The following NUP214 variants were observed in gnomAD, a reference collection of about 807,000 sequenced individuals.
NUP214 encodes the protein nucleoporin 214, also known as nuclear pore complex protein Nup214.
Under a neutral mutation model 196.2 loss-of-function variants are expected in NUP214, and 79 were observed. That is an observed-to-expected ratio of 0.40 (90% CI 0.34 to 0.49). NUP214 has a LOEUF of 0.49. Among genes scored for constraint, NUP214 ranks in the 20% least tolerant of loss-of-function variants. The probability of loss-of-function intolerance (pLI) is 0.58; values close to 1 mark genes in which losing one functional copy is unlikely to be tolerated. For synonymous variants in NUP214, 1,020 were observed against 990.5 expected (o/e 1.03, Z -0.56); for missense variants, 2,468 against 2,539.0 (o/e 0.97, Z 0.60).
At chr9:131,149,151 G>C (rs60618965) in intron 14 of NUP214, among the ~76,000 whole-genome samples, 43,185 of 151,586 alleles carry the variant, frequency 0.28, 6,247 homozygotes, top group South Asian at 0.42. Context: ...ACCAACCCTT[G>C]TACCCTAACA....
chr9:131,132,883 A>G, intron 6 of NUP214: 1 of 618,130 alleles, frequency 1.6e-6, no homozygotes, highest in Non-Finnish European at 2.8e-6. Context: ...TTTTTATTAC[A>G]ATTCTTCATA....
At position 131,198,042 on chromosome 9, in the gene NUP214, A is replaced by G. The variant is rs751366688; in HGVS notation, c.4548A>G (p.Ser1516=). 1 of 1,614,204 alleles carries G rather than the reference A, an allele frequency of 6.2e-7. No individual in the cohort carries two copies. Among genetic ancestry groups the G allele is most frequent in the South Asian group, 1.1e-5 (1 of 91,082 alleles). ...GDSEVSASAA[S]LLEEQQSAQL... ...GTGAGGTCTCAGCATCAGCAGCCTC[A>G]CTTCTAGAGGAGCAACAGTCAGCCC... Residue 1516 remains serine, a synonymous_variant, in exon 29 of 36, where the codon TCA becomes TCG. Coordinates refer to ENST00000359428, the MANE Select transcript of NUP214 (RefSeq NM_005085.4).
Position 131,125,953 on chromosome 9 carries a change from C to A in NUP214, c.45+204C>A. 1 of 634,234 alleles carries A rather than the reference C, an allele frequency of 1.6e-6. No individual in the cohort carries two copies. Among genetic ancestry groups the A allele is most frequent in the South Asian group, 1.9e-5 (1 of 51,456 alleles). 39.3% of individuals were successfully genotyped at this position (634,234 alleles called of 1,614,324 possible). A position where few individuals can be genotyped will look rare whatever the true frequency, so the allele number is the denominator to read the frequency against. On this transcript the variant is annotated intron_variant, in intron 1 of 35. Coordinates refer to ENST00000359428, the MANE Select transcript of NUP214 (RefSeq NM_005085.4). This position sits in a 1 kb window ranked among gnomAD's most constrained non-coding sequence, Gnocchi z 4.1. ...TTCCCAGTCCCATCCTGGTCTCGTGCACGGCTGTTGAGTTACCCTAGCTAC... is the reference window on the plus strand; with the variant it reads ...TTCCCAGTCCCATCCTGGTCTCGTGAACGGCTGTTGAGTTACCCTAGCTAC...
chr9:131,182,734 G>A (rs1027233302), intron 24 of NUP214, among the ~76,000 whole-genome samples: 2 of 151,868 alleles, frequency 1.3e-5, no homozygotes, highest in African/African-American at 2.4e-5. Flanking sequence ...GACATGTTTT[G>A]GTTTAAATCT....
chr9:131,221,526 G>A (rs1362186059), intron 31 of NUP214, among the ~76,000 whole-genome samples: 1 of 152,154 alleles, frequency 6.6e-6, no homozygotes, highest in Admixed American at 6.5e-5. Context: ...GAGAGACCTG[G>A]GGAGGTGACA....
At chr9:131,229,493 T>G (rs1021278329) in intron 33 of NUP214, 3 of 339,152 alleles carry the variant, frequency 8.8e-6, no homozygotes, top group Non-Finnish European at 1.1e-5. Flanking sequence ...GGGTATCTTG[T>G]GAATTGATTT....
In NUP214 at chr9:131,163,092, G is replaced by C; in HGVS notation, c.2642G>C (p.Ser881Thr). The change falls in exon 19 of 36, where the codon AGT becomes ACT. Residue 881 changes from serine (S) to threonine (T), a missense_variant. This residue lies in a region of NUP214 where 1,801 missense variants were observed against 1,779.4 expected (regional missense o/e 1.01). Transcript: ENST00000359428. ...QRKRLNHLVD[S>T]LQQLRLYKQT... The stretch of plus-strand genomic sequence containing the variant: ...AAGAGGCTGAATCACCTGGTGGATA[G>C]TCTTCAGCAGCTCCGCCTTTACAAA... The C allele has an allele frequency of 6.2e-7, 1 of 1,614,196 alleles. No individual in the cohort carries two copies. The highest frequency in any genetic ancestry group is 8.5e-7 in the Non-Finnish European group (1 of 1,180,000).
chr9:131,149,632 T>A (rs1007305310), intron 14 of NUP214, among the ~76,000 whole-genome samples: 9 of 152,044 alleles, frequency 5.9e-5, no homozygotes, highest in African/African-American at 2.2e-4. Context: ...CTCTCTGCTA[T>A]CCCTGCTCTA....
intron 31 of NUP214, among the ~76,000 whole-genome samples, chr9:131,217,107 G>A (rs1350271181): frequency 6.6e-6 from 1 of 152,082 alleles, no homozygotes. Context: ...ATCCTGATTT[G>A]CCCTTCTAAA....
intron 24 of NUP214, among the ~76,000 whole-genome samples, chr9:131,181,246 AG>A (rs1182666110): frequency 6.6e-6 from 1 of 152,158 alleles, no homozygotes; most frequent in Non-Finnish European, 1.5e-5. Context: ...AGAGCGAGTC[AG>A]GGGGGACCTC....
rs1832087465 is a variant in NUP214, at chr9:131,146,359, G to A, written c.1945+55G>A. 6.5e-7 allele frequency: 1 copy of A among 1,547,314 alleles called. No individual in the cohort carries two copies. The highest frequency in any genetic ancestry group is 8.9e-7 in the Non-Finnish European group (1 of 1,124,040). On this transcript the variant is annotated intron_variant, in intron 13 of 35. Transcript: ENST00000359428. This position sits in a 1 kb window ranked among gnomAD's most constrained non-coding sequence, Gnocchi z 4.6. ...TCAGCCCTGCCTTCTCAGATTAACG[G>A]TTTTAAGTGTTAAGAGTCGTAGCTA...
Position 131,198,150 on chromosome 9 carries a change from C to T in NUP214, c.4656C>T (p.Gly1552=), listed in dbSNP as rs753942822. 16 of 1,614,218 alleles carry T rather than the reference C, an allele frequency of 9.9e-6. 1 individual carries two copies. In the South Asian group the frequency reaches 1.3e-4, roughly 13 times the overall value. Residue 1552 remains glycine, a synonymous_variant, in exon 29 of 36, where the codon GGC becomes GGT. Transcript: ENST00000359428. ...CCCAGCCTGCAGTCAGCAACTCTGG[C>T]ACTGCAGCATCTAGTACTAGTCTTG... is the stretch of plus-strand genomic sequence containing the variant. ...VLAQPAVSNS[G]TAASSTSLVA...
chr9:131,130,132 G>GTTTTTTTTTTTTTTTTTTTTTTTTTT (rs1245763919), intron 4 of NUP214, among the ~76,000 whole-genome samples: 2 of 46,550 alleles, frequency 4.3e-5, no homozygotes, highest in African/African-American at 7.1e-5. Context: ...ATGATTTCTG[G>GTTTTTTTTTTTTTTTTTTTTTTTTTT]TTTTGTTTTT....
chr9:131,232,376 C>G lies in NUP214; in HGVS notation c.6239+68C>G, dbSNP rs751498763. ...TAAATAAGGTTGGAAGTGTGTGGAT[C>G]TTGCTGGATTTGTGCATTTTCTTTT... On this transcript the variant is annotated intron_variant, in intron 35 of 35. Coordinates refer to ENST00000359428, the MANE Select transcript of NUP214 (RefSeq NM_005085.4). This position sits in a 1 kb window ranked among gnomAD's most constrained non-coding sequence, Gnocchi z 5.1. 1.6e-4 allele frequency: 234 copies of G among 1,473,886 alleles called. 4 individuals carry two copies. In the Middle Eastern group the frequency reaches 2.8e-3, roughly 17 times the overall value. 91.3% of individuals were successfully genotyped at this position (1,473,886 alleles called of 1,614,324 possible).
At chr9:131,193,624 C>CTTTTA (rs1564202971) in intron 27 of NUP214, among the ~76,000 whole-genome samples, 1 of 17,658 alleles carries the variant, frequency 5.7e-5, no homozygotes, top group Non-Finnish European at 1.5e-4. Flanking sequence ...ATTCTTCTTC[C>CTTTTA]TTTTCTTTTT....
chr9:131,144,812 T>C (rs1284599229), intron 12 of NUP214, 58 bp downstream of exon 12: 2 of 1,316,590 alleles, frequency 1.5e-6, no homozygotes, highest in African/African-American at 1.5e-5. Context: ...TTGGATGTTA[T>C]TTACTAAAAG....
intron 33 of NUP214, 96 bp downstream of exon 33, chr9:131,228,427 G>T: frequency 8.2e-7 from 1 of 1,224,450 alleles, no homozygotes; most frequent in South Asian, 1.6e-5. Context: ...TGACCATGAG[G>T]TGAAGGCCCC....
chr9:131,154,605 C>G (rs1398280098), intron 17 of NUP214, among the ~76,000 whole-genome samples: 1 of 152,202 alleles, frequency 6.6e-6, no homozygotes, highest in Non-Finnish European at 1.5e-5. Context: ...TCTTGGTCTC[C>G]CAAAGTGCTA....
chr9:131,178,438 C>G (rs1833176077), intron 24 of NUP214, 28 bp downstream of exon 24: 3 of 1,530,692 alleles, frequency 2.0e-6, no homozygotes, highest in Non-Finnish European at 2.7e-6. Flanking sequence ...TGTGTTTCAG[C>G]CCCTGGCTGC....
Sources: gnomAD v4.1 joint callset for allele counts (sites outside exome capture counted in the v4.1 genomes callset) on GRCh38, gnomAD v4.1.1 for gene constraint, gnomAD v4.1.1 regional missense constraint, Gnocchi (gnomAD v3.1) non-coding constraint, MANE v1.5 for transcripts, NCBI Gene and HGNC (gene_info 2026-07-23, HGNC 2026-07-21) for gene names.